The following ADGRD1 variants were observed in gnomAD, a reference collection of about 807,000 sequenced individuals.
The protein encoded by ADGRD1 is adhesion G protein-coupled receptor D1, also known as G-protein coupled receptor 133.
Under a neutral mutation model 113.4 loss-of-function variants are expected in ADGRD1, and 77 were observed. That is an observed-to-expected ratio of 0.68 (90% CI 0.57 to 0.82). The LOEUF (loss-of-function observed/expected upper bound fraction) is 0.82. ADGRD1 is among the 40% of genes least tolerant of loss of function. ADGRD1 has a pLI of 0.00. For missense variants in ADGRD1, 1,036 were observed against 1,139.1 expected (o/e 0.91, Z 1.30); for synonymous variants, 474 against 475.0 (o/e 1.00, Z 0.03).
chr12:131,061,617 A>G (rs913730136), intron 13 of ADGRD1, among the ~76,000 whole-genome samples: 5 of 152,228 alleles, frequency 3.3e-5, no homozygotes, highest in African/African-American at 1.2e-4. Context: ...AGTTTCCCCC[A>G]GTGATTACAA....
chr12:130,992,583 C>T, intron 8 of ADGRD1, 191 bp downstream of exon 8: 1 of 504,448 alleles, frequency 2.0e-6, no homozygotes, highest in Non-Finnish European at 3.5e-6. Context: ...CTCAGCGGAG[C>T]TTCCTTTATG....
chr12:130,978,743 A>G (rs190869055), intron 4 of ADGRD1: 1 of 152,370 alleles, frequency 6.6e-6, no homozygotes, highest in Admixed American at 6.5e-5. Context: ...GAACAGAAAG[A>G]CATTTGGCCA....
intron 13 of ADGRD1, among the ~76,000 whole-genome samples, chr12:131,074,785 G>C (rs1268647247): frequency 1.3e-5 from 2 of 152,184 alleles, no homozygotes; most frequent in African/African-American, 4.8e-5. Context: ...TGACGATGGA[G>C]GGGAGGGAGT....
intron 13 of ADGRD1, chr12:131,028,061 C>T (rs534478264): frequency 6.6e-6 from 1 of 152,330 alleles, no homozygotes; most frequent in South Asian, 2.1e-4. Flanking sequence ...CCGGTGCCTT[C>T]TCCAGAGCGG....
chr12:130,981,916 G>A lies in ADGRD1; in HGVS notation c.343G>A (p.Gly115Arg). 3 of 1,613,116 alleles carry A rather than the reference G, an allele frequency of 1.9e-6. No homozygotes were observed. The highest frequency in any genetic ancestry group is 2.5e-6 in the Non-Finnish European group (3 of 1,179,412). The stretch of plus-strand genomic sequence containing the variant: ...GTTTTCTTTTTTCTGGAAGACACAA[G>A]GAGAACAGTCTAGACCAATCCCTTC... ...VTFSFFWKTQ[G>R]EQSRPIPSAY... Residue 115 changes from glycine to arginine, a missense_variant, in exon 5 of 25, where the codon GGA (glycine) becomes AGA (arginine). Gly to Arg is a moderately radical substitution (Grantham distance 125). Transcript: ENST00000261654.
At chr12:131,015,972 T>G (rs1056485121) in intron 13 of ADGRD1, among the ~76,000 whole-genome samples, 1 of 152,182 alleles carries the variant, frequency 6.6e-6, no homozygotes, top group Admixed American at 6.5e-5. Context: ...GTCTAGCAGG[T>G]CTTTCCCGCC....
intron 15 of ADGRD1, among the ~76,000 whole-genome samples, chr12:131,085,834 A>C (rs1328127950): frequency 6.6e-6 from 1 of 152,174 alleles, no homozygotes; most frequent in Non-Finnish European, 1.5e-5. Flanking sequence ...GCAGGGAAGC[A>C]GTGACGCCTC....
chr12:131,034,238 G>A (rs954613923), intron 13 of ADGRD1, among the ~76,000 whole-genome samples: 2 of 152,080 alleles, frequency 1.3e-5, no homozygotes, highest in African/African-American at 2.4e-5. Context: ...CTCCGCTCCC[G>A]CCATGCGTCT....
At chr12:131,130,083 T>C (rs1480866849) in intron 20 of ADGRD1, among the ~76,000 whole-genome samples, 1 of 152,274 alleles carries the variant, frequency 6.6e-6, no homozygotes, top group Non-Finnish European at 1.5e-5. Context: ...CTGCTCCCGC[T>C]TGCTGCTCCT....
chr12:131,041,494 C>T lies in ADGRD1; in HGVS notation c.1473+27154C>T, dbSNP rs189137717. On this transcript the variant is annotated intron_variant, in intron 13 of 24. Coordinates refer to ENST00000261654, the MANE Select transcript of ADGRD1 (RefSeq NM_198827.5). The surrounding 1 kb of genome is among the most constrained non-coding windows in gnomAD (Gnocchi z 4.4). ...TAACTAGTGACCTTGGCAGGGAGACCGAGACCGAGACCACTTTGTGACCTC... is the reference window on the plus strand; with the variant it reads ...TAACTAGTGACCTTGGCAGGGAGACTGAGACCGAGACCACTTTGTGACCTC... 2.6e-5 allele frequency among the ~76,000 whole-genome samples: 4 copies of T among 152,118 alleles called. No homozygotes were observed. The highest frequency in any genetic ancestry group is 1.5e-5 in the Non-Finnish European group (1 of 68,016).
rs1880399589 is a variant in ADGRD1 at position 131,029,652 on chromosome 12, G to A, written c.1473+15312G>A. Among the ~76,000 whole-genome samples the A allele has an allele frequency of 2.1e-5, 3 of 146,068 alleles. No individual in the cohort carries two copies. In the Admixed American group the frequency reaches 2.1e-4, roughly 10 times the overall value. On this transcript the variant is annotated intron_variant, in intron 13 of 24. Coordinates refer to ENST00000261654, the MANE Select transcript of ADGRD1 (RefSeq NM_198827.5). ...GTCGTAGGTGACATTCCCAGGCTCTGGGGTTAGGTTATGGACCCCTCGTAT... is the reference window on the plus strand; with the variant it reads ...GTCGTAGGTGACATTCCCAGGCTCTAGGGTTAGGTTATGGACCCCTCGTAT...
Position 131,086,911 on chromosome 12 carries a change from A to C in ADGRD1, c.1671+2248A>C, listed in dbSNP as rs772754683. 1.0e-3 allele frequency among the ~76,000 whole-genome samples: 158 copies of C among 152,304 alleles called. 2 individuals are homozygous for C. The highest frequency in any genetic ancestry group is 2.1e-3 in the Non-Finnish European group (142 of 68,030). ...ATATTTTATTTTTATTAAATTAAAT[A>C]AATTAATTTTTAGAGACAGGGTCTC... On this transcript the variant is annotated intron_variant, in intron 15 of 24. Coordinates refer to ENST00000261654, the MANE Select transcript of ADGRD1 (RefSeq NM_198827.5).
chr12:131,086,634 T>C (rs1886483325), intron 15 of ADGRD1, among the ~76,000 whole-genome samples: 1 of 152,196 alleles, frequency 6.6e-6, no homozygotes, highest in African/African-American at 2.4e-5. Context: ...GAAAATAAAA[T>C]GGCAGATGCT....
intron 13 of ADGRD1, chr12:131,069,412 G>A (rs922249158): frequency 6.6e-6 from 1 of 152,206 alleles, no homozygotes; most frequent in African/African-American, 2.4e-5. Context: ...ACCACCATGT[G>A]GCTTCGTGGC....
intron 4 of ADGRD1, among the ~76,000 whole-genome samples, chr12:130,979,826 C>T (rs1218869886): frequency 7.3e-6 from 1 of 136,294 alleles, no homozygotes; most frequent in Admixed American, 7.1e-5. Flanking sequence ...CTCACACACA[C>T]ACACACACAC....
intron 4 of ADGRD1, chr12:130,977,801 T>C (rs7958268): frequency 0.83 from 126,370 of 152,490 alleles, 53,301 homozygotes; most frequent in East Asian, 0.95. Context: ...CATGCCTGTA[T>C]AACCTCGCGC....
chr12:131,003,058 TTG>T lies in ADGRD1; in HGVS notation c.1027-122_1027-121del. On this transcript the variant is annotated intron_variant, in intron 9 of 24. Coordinates refer to ENST00000261654, the MANE Select transcript of ADGRD1 (RefSeq NM_198827.5). The surrounding 1 kb of genome is among the most constrained non-coding windows in gnomAD (Gnocchi z 4.8). ...CCTCCTGATCCATGGGAAGGGGCAG[TTG>T]TGTGACTTCTTCCTCCCTCGTGGCC... 1.3e-6 allele frequency: 1 copy of T among 790,700 alleles called. No homozygotes were observed. Among genetic ancestry groups the T allele is most frequent in the Non-Finnish European group, 2.2e-6 (1 of 455,662 alleles). The allele number at this position is 790,700 out of a possible 1,614,324, so 49.0% of individuals were successfully genotyped here.
chr12:131,105,727 G>C (rs369214498), intron 16 of ADGRD1, 27 bp from the exon 17 acceptor site: 17 of 1,570,480 alleles, frequency 1.1e-5, no homozygotes, highest in Non-Finnish European at 1.5e-5. Context: ...GCAGGGCCCA[G>C]GCCTCACACC....
Position 131,084,684 on chromosome 12 carries a change from G to A in ADGRD1, c.1671+21G>A. 1.2e-6 allele frequency: 2 copies of A among 1,613,154 alleles called. No individual in the cohort carries two copies. Among genetic ancestry groups the A allele is most frequent in the South Asian group, 2.2e-5 (2 of 90,986 alleles). On this transcript the variant is annotated intron_variant, in intron 15 of 24. Transcript: ENST00000261654. This position sits in a 1 kb window ranked among gnomAD's most constrained non-coding sequence, Gnocchi z 4.5. ...TGGAGGTAAGAGCCAGGCCTCAGGGGTCGCGGGACCTGGGGGACGTACCAT... is the reference window on the plus strand; with the variant it reads ...TGGAGGTAAGAGCCAGGCCTCAGGGATCGCGGGACCTGGGGGACGTACCAT...
Sources: gnomAD v4.1 joint callset for allele counts (sites outside exome capture counted in the v4.1 genomes callset) on GRCh38, gnomAD v4.1.1 for gene constraint, Gnocchi (gnomAD v3.1) non-coding constraint, MANE v1.5 for transcripts, NCBI Gene and HGNC (gene_info 2026-07-23, HGNC 2026-07-21) for gene names.